The following TNRC18 variants were observed in gnomAD, a reference collection of about 807,000 sequenced individuals.
The protein encoded by TNRC18 is trinucleotide repeat containing 18.
TNRC18 carries 69 observed loss-of-function variants against 226.7 expected under a neutral mutation model. The observed-to-expected ratio is 0.30, with a 90% CI of 0.25 to 0.37. The LOEUF is 0.37. Ranked by LOEUF, TNRC18 falls within the 10% of genes least tolerant of loss-of-function variation. The pLI, the probability that TNRC18 is intolerant of heterozygous loss-of-function variation, is 1.00. For synonymous variants in TNRC18, 2,449 were observed against 1,927.6 expected (o/e 1.27, Z -7.09); for missense variants, 4,754 against 4,256.6 (o/e 1.12, Z -3.25).
In TNRC18 at chr7:5,362,764, G is replaced by A; in HGVS notation, c.4281C>T (p.His1427=). 1 of 1,572,092 alleles carries A rather than the reference G, an allele frequency of 6.4e-7. No individual in the cohort carries two copies. The highest frequency in any genetic ancestry group is 8.6e-7 in the Non-Finnish European group (1 of 1,159,310). Residue 1427 remains histidine, a synonymous_variant, in exon 12 of 30, where the codon CAC becomes CAT. Transcript: ENST00000430969. The part of the protein sequence containing the change: ...SLESLLAAGS[H]MLREVLDGPV... ...GCCCATCCAGCACCTCCCTCAGCAT[G>A]TGGCTGCCAGCTGCCAGCAGACTCT...
In TNRC18 at chr7:5,374,498, G is replaced by A. The variant is rs1300784631; in HGVS notation, c.2800-14C>T. ...CAACCGCTCCTGCTGGGAAGGGGCCGGCAGGCAGGGTCAGCACGGCACGAG... is the reference window on the plus strand; with the variant it reads ...CAACCGCTCCTGCTGGGAAGGGGCCAGCAGGCAGGGTCAGCACGGCACGAG... On this transcript the variant is annotated splice_polypyrimidine_tract_variant and intron_variant, in intron 9 of 29. Transcript: ENST00000430969. The A allele has an allele frequency of 2.7e-5, 42 of 1,540,520 alleles. No homozygotes were observed. The highest frequency in any genetic ancestry group is 3.6e-4 in the Middle Eastern group (2 of 5,546).
rs763337335 is a variant in TNRC18 at position 5,388,582 on chromosome 7, G to A, written c.1242C>T (p.Pro414=). 1.5e-5 allele frequency: 20 copies of A among 1,297,324 alleles called. No individual in the cohort carries two copies. In the South Asian group the frequency reaches 2.1e-4, roughly 13 times the overall value. The allele number at this position is 1,297,324 out of a possible 1,614,324, so 80.4% of individuals were successfully genotyped here. Reference sequence around the variant, plus strand: ...GCCGGTCCAGAGGCCGCGGGGAGCCGGGGGGCGCCTGCAGGACCCCTGGCC... The same window carrying A: ...GCCGGTCCAGAGGCCGCGGGGAGCCAGGGGGCGCCTGCAGGACCCCTGGCC... ...AGRPGVLQAP[P]GSPRPLDRPE... is the part of the protein sequence containing the mutation. Residue 414 remains proline (P), a synonymous_variant, in exon 5 of 30, where the codon CCC becomes CCT. Coordinates refer to ENST00000430969, the MANE Select transcript of TNRC18 (RefSeq NM_001080495.3).
At chr7:5,397,303 A>AC (rs1318165405) in intron 2 of TNRC18, among the ~76,000 whole-genome samples, 1 of 152,168 alleles carries the variant, frequency 6.6e-6, no homozygotes, top group Admixed American at 6.5e-5. Context: ...GCAAGAGCTT[A>AC]CATCAGCCGC....
chr7:5,345,517 G>GGGGGGGCCCCCCCCCCCCCCC, intron 18 of TNRC18, 45 bp downstream of exon 18: 3 of 377,744 alleles, frequency 7.9e-6, no homozygotes, highest in Non-Finnish European at 1.4e-5. Flanking sequence ...AATGGCGTCC[G>GGGGGGGCCCCCCCCCCCCCCC]CCCCTCCCAC....
chr7:5,409,314 A>G (rs1190246187), intron 2 of TNRC18, among the ~76,000 whole-genome samples: 3 of 152,184 alleles, frequency 2.0e-5, no homozygotes, highest in Non-Finnish European at 4.4e-5. Flanking sequence ...TATCCTAGTA[A>G]TGGGAATTAA....
At chr7:5,346,727 C>T (rs1311301457) in intron 17 of TNRC18, among the ~76,000 whole-genome samples, 3 of 152,238 alleles carry the variant, frequency 2.0e-5, no homozygotes, top group Admixed American at 1.3e-4. Context: ...GTCCTCGGCC[C>T]TCTCTGAGCC....
At chr7:5,405,055 T>A (rs1269423782) in intron 2 of TNRC18, among the ~76,000 whole-genome samples, 1 of 151,512 alleles carries the variant, frequency 6.6e-6, no homozygotes, top group African/African-American at 2.4e-5. Context: ...AGACAGAGGT[T>A]GCACTGAGCC....
At chr7:5,371,834 G>A (rs1203248239) in intron 10 of TNRC18, among the ~76,000 whole-genome samples, 1 of 152,102 alleles carries the variant, frequency 6.6e-6, no homozygotes, top group Admixed American at 6.5e-5. Context: ...ACTTTAGGAG[G>A]CCAAAGGGGG....
Position 5,315,081 on chromosome 7 carries a change from G to A in TNRC18, c.6930C>T (p.Asp2310=), listed in dbSNP as rs768507596. ...AKRRSRKTSK[D]TGEGKDGGTA... Reference sequence around the variant, plus strand: ...TGCCACCATCTTTGCCCTCCCCAGTGTCTTTGCTGGTCTTCCGGCTGCGGC... The same window carrying A: ...TGCCACCATCTTTGCCCTCCCCAGTATCTTTGCTGGTCTTCCGGCTGCGGC... The change falls in exon 26 of 30, where the codon GAC becomes GAT. Residue 2310 remains aspartate, a synonymous_variant. Transcript: ENST00000430969. 2 of 1,612,716 alleles carry A rather than the reference G, an allele frequency of 1.2e-6. No homozygotes were observed. The highest frequency in any genetic ancestry group is 4.5e-5 in the East Asian group (2 of 44,836).
At position 5,377,334 on chromosome 7, in the gene TNRC18, CTCAGAG is replaced by C; in HGVS notation, c.2461+31_2461+36del. 2 of 1,384,172 alleles carry C rather than the reference CTCAGAG, an allele frequency of 1.4e-6. No individual in the cohort carries two copies. The highest frequency in any genetic ancestry group is 2.0e-6 in the Non-Finnish European group (2 of 1,023,576). The allele number at this position is 1,384,172 out of a possible 1,614,324, so 85.7% of individuals were successfully genotyped here. A position where few individuals can be genotyped will look rare whatever the true frequency, so the allele number is the denominator to read the frequency against. ...TGCACCCGCCCCCTCCCACCCCTCC[CTCAGAG>C]AAGGGGAGAGACCCTGTGCCCCACA... On this transcript the variant is annotated intron_variant, in intron 7 of 29. Transcript: ENST00000430969. This position sits in a 1 kb window ranked among gnomAD's most constrained non-coding sequence, Gnocchi z 5.8.
chr7:5,313,511 C>G lies in TNRC18; in HGVS notation c.7380G>C (p.Leu2460=), dbSNP rs750921720. ...CACCCTCGTGGTCCAGTTTGACAAG[C>G]AGCTCGGCCTCCTCCCCCGGCCTCC... ...GPRRPGEEAE[L]LVKLDHEGVT... Residue 2460 remains leucine, a synonymous_variant, in exon 27 of 30, where the codon CTG becomes CTC. Coordinates refer to ENST00000430969, the MANE Select transcript of TNRC18 (RefSeq NM_001080495.3). 2 of 1,613,182 alleles carry G rather than the reference C, an allele frequency of 1.2e-6. No homozygotes were observed. Among genetic ancestry groups the G allele is most frequent in the East Asian group, 4.5e-5 (2 of 44,872 alleles).
At chr7:5,407,697 C>T (rs1202891797) in intron 2 of TNRC18, among the ~76,000 whole-genome samples, 4 of 152,252 alleles carry the variant, frequency 2.6e-5, no homozygotes, top group African/African-American at 9.6e-5. Flanking sequence ...GTCAAGGCCT[C>T]AGGCCAGCCA....
rs1027416252 is a variant in TNRC18 at position 5,388,063 on chromosome 7, G to A, written c.1761C>T (p.Ser587=). The A allele has an allele frequency of 6.4e-7, 1 of 1,557,582 alleles. No individual in the cohort carries two copies. ...HGSGEASAMQ[S]LIKYSGSFAR... ...CAAAGCTGCCACTGTACTTTATAAG[G>A]CTCTGCATGGCCGAGGCCTCTCCAG... Residue 587 remains serine, a synonymous_variant, in exon 5 of 30, where the codon AGC becomes AGT. Coordinates refer to ENST00000430969, the MANE Select transcript of TNRC18 (RefSeq NM_001080495.3).
chr7:5,371,321 G>A lies in TNRC18; in HGVS notation c.3273C>T (p.Tyr1091=), dbSNP rs778145622. 32 of 1,538,008 alleles carry A rather than the reference G, an allele frequency of 2.1e-5. No individual in the cohort carries two copies. The highest frequency in any genetic ancestry group is 3.5e-4 in the Middle Eastern group (2 of 5,768). The change falls in exon 11 of 30, where the codon TAC becomes TAT. Residue 1091 remains tyrosine, a synonymous_variant. Coordinates refer to ENST00000430969, the MANE Select transcript of TNRC18 (RefSeq NM_001080495.3). The part of the protein sequence containing the change: ...RYPFQALPPH[Y]GRPYPFLLQP... Reference sequence around the variant, plus strand: ...GCAGCAGGAAAGGGTAGGGCCTCCCGTAGTGCGGTGGCAGGGCTTGGAACG... The same window carrying A: ...GCAGCAGGAAAGGGTAGGGCCTCCCATAGTGCGGTGGCAGGGCTTGGAACG...
chr7:5,331,688 G>A (rs951911229), intron 19 of TNRC18, among the ~76,000 whole-genome samples: 1 of 152,208 alleles, frequency 6.6e-6, no homozygotes, highest in Non-Finnish European at 1.5e-5. Context: ...TTGAGAGGCT[G>A]AGGCAGGAGA....
At chr7:5,405,979 C>T (rs1296724152) in intron 2 of TNRC18, among the ~76,000 whole-genome samples, 1 of 152,150 alleles carries the variant, frequency 6.6e-6, no homozygotes, top group Non-Finnish European at 1.5e-5. Flanking sequence ...ATGTTCATAG[C>T]AGCACTATTC....
chr7:5,353,579 A>C (rs1047007581), intron 16 of TNRC18, among the ~76,000 whole-genome samples: 8 of 150,756 alleles, frequency 5.3e-5, no homozygotes, highest in Non-Finnish European at 1.2e-4. Context: ...AAAAAAAAAA[A>C]AACCCACAGG....
chr7:5,356,844 G>A (rs1792470875), intron 16 of TNRC18, 72 bp downstream of exon 16: 3 of 1,453,168 alleles, frequency 2.1e-6, no homozygotes, highest in South Asian at 2.8e-5. Flanking sequence ...GGGGGAAGGA[G>A]GACGGTGGAG....
intron 2 of TNRC18, among the ~76,000 whole-genome samples, chr7:5,397,237 C>G (rs1780755237): frequency 6.6e-6 from 1 of 152,220 alleles, no homozygotes; most frequent in Non-Finnish European, 1.5e-5. Context: ...GGGCTTCCGC[C>G]TTGCTGTGGC....
Sources: gnomAD v4.1 joint callset for allele counts (sites outside exome capture counted in the v4.1 genomes callset) on GRCh38, gnomAD v4.1.1 for gene constraint, Gnocchi (gnomAD v3.1) non-coding constraint, MANE v1.5 for transcripts, NCBI Gene and HGNC (gene_info 2026-07-23, HGNC 2026-07-21) for gene names.